Variants in ERBB2 observed in about 807,000 individuals in gnomAD.
The protein encoded by ERBB2 is erb-b2 receptor tyrosine kinase 2.
ERBB2 carries 61 observed loss-of-function variants against 149.0 expected under a neutral mutation model. The ratio of observed to expected loss-of-function variants is 0.41; its 90% confidence interval spans 0.33 to 0.51. ERBB2 has a LOEUF of 0.51. Among genes scored for constraint, ERBB2 ranks in the 20% least tolerant of loss-of-function variants. The pLI, the probability that ERBB2 is intolerant of heterozygous loss-of-function variation, is 0.25. For synonymous variants in ERBB2, 633 were observed against 678.8 expected (o/e 0.93, Z 1.05); for missense variants, 1,205 against 1,655.1 (o/e 0.73, Z 4.72).
Position 39,723,733 on chromosome 17 carries a change from C to T in ERBB2, c.2208+73C>T, listed in dbSNP as rs1422339349. 4 of 1,556,222 alleles carry T rather than the reference C, an allele frequency of 2.6e-6. No individual in the cohort carries two copies. Among genetic ancestry groups the T allele is most frequent in the Admixed American group, 3.8e-5 (2 of 52,026 alleles). ...GCCTGGAGGGGTGTGGTCGGCAGTT[C>T]TGATGGGAGGGGCAAGAGCTGGAGG... is the stretch of plus-strand genomic sequence containing the variant. On this transcript the variant is annotated intron_variant, in intron 18 of 26. Transcript: ENST00000269571. The surrounding 1 kb of genome is among the most constrained non-coding windows in gnomAD (Gnocchi z 6.2).
chr17:39,720,114 T>C, intron 16 of ERBB2: 1 of 457,038 alleles, frequency 2.2e-6, no homozygotes, highest in Non-Finnish European at 4.0e-6. Context: ...GTTCAATTCC[T>C]TGGAAGTCAA....
At position 39,727,735 on chromosome 17, in the gene ERBB2, A is replaced by G. The variant is rs567023682; in HGVS notation, c.3459A>G (p.Arg1153=). Reference sequence around the variant, plus strand: ...TTCGGCCCCAGCCCCCTTCGCCCCGAGAGGGCCCTCTGCCTGCTGCCCGAC... The same window carrying G: ...TTCGGCCCCAGCCCCCTTCGCCCCGGGAGGGCCCTCTGCCTGCTGCCCGAC... ...PDVRPQPPSP[R]EGPLPAARPA... The change falls in exon 27 of 27, where the codon CGA becomes CGG. Residue 1153 remains arginine (R), a synonymous_variant. Transcript: ENST00000269571. This position sits in a 1 kb window ranked among gnomAD's most constrained non-coding sequence, Gnocchi z 4.3. 1 of 1,586,288 alleles carries G rather than the reference A, an allele frequency of 6.3e-7. No individual in the cohort carries two copies. Among genetic ancestry groups the G allele is most frequent in the Non-Finnish European group, 8.6e-7 (1 of 1,164,410 alleles).
upstream of ERBB2, among the ~76,000 whole-genome samples, chr17:39,698,958 TAAA>T (rs71149792): frequency 2.9e-5 from 4 of 137,848 alleles, no homozygotes; most frequent in Non-Finnish European, 4.7e-5. Context: ...TTGTTGAAAT[TAAA>T]AAAAAAAAAA....
chr17:39,694,520 G>A (rs1298512911), upstream of ERBB2, among the ~76,000 whole-genome samples: 1 of 151,288 alleles, frequency 6.6e-6, no homozygotes, highest in Non-Finnish European at 1.5e-5. Flanking sequence ...AAGCATAAAT[G>A]TATCAAAAAG....
intron 9 of ERBB2, among the ~76,000 whole-genome samples, 186 bp downstream of exon 9, chr17:39,712,634 C>G (rs2058877103): frequency 6.6e-6 from 1 of 152,146 alleles, no homozygotes; most frequent in Non-Finnish European, 1.5e-5. Flanking sequence ...TTGTAAATGA[C>G]ATGCTATCCG....
At chr17:39,702,544 T>A (rs974573529) in intron 1 of ERBB2, among the ~76,000 whole-genome samples, 1 of 152,216 alleles carries the variant, frequency 6.6e-6, no homozygotes, top group Non-Finnish European at 1.5e-5. Context: ...CTCTTTACTA[T>A]ACTTGGGGAA....
At chr17:39,690,166 A>G (rs1277567097), upstream of ERBB2, among the ~76,000 whole-genome samples, 1 of 152,148 alleles carries the variant, frequency 6.6e-6, no homozygotes, top group Non-Finnish European at 1.5e-5. Flanking sequence ...ACTCACTGCA[A>G]CCTCAACCTC....
chr17:39,717,633 T>G (rs111900961), intron 15 of ERBB2, 153 bp downstream of exon 15: 8 of 623,912 alleles, frequency 1.3e-5, no homozygotes, highest in Non-Finnish European at 1.9e-5. Context: ...AATTAAAACA[T>G]GAAATATAAA....
chr17:39,723,199 TG>T lies in ERBB2; in HGVS notation c.1947-117del. 1.9e-6 allele frequency: 2 copies of T among 1,038,082 alleles called. No homozygotes were observed. The highest frequency in any genetic ancestry group is 2.9e-6 in the Non-Finnish European group (2 of 698,218). The allele number at this position is 1,038,082 out of a possible 1,614,324, so 64.3% of individuals were successfully genotyped here. On this transcript the variant is annotated intron_variant, in intron 16 of 26. Coordinates refer to ENST00000269571, the MANE Select transcript of ERBB2 (RefSeq NM_004448.4). The surrounding 1 kb of genome is among the most constrained non-coding windows in gnomAD (Gnocchi z 6.2). Reference sequence around the variant, plus strand: ...TAGAGTAGGAGAGGGTCCAAGCCTGTGGGTCACCCTTCCGACTTCCCTTTCC... The same window carrying T: ...TAGAGTAGGAGAGGGTCCAAGCCTGTGGTCACCCTTCCGACTTCCCTTTCC...
At chr17:39,698,727 T>TG (rs1487656823), upstream of ERBB2, among the ~76,000 whole-genome samples, 2 of 151,644 alleles carry the variant, frequency 1.3e-5, no homozygotes, top group Admixed American at 6.6e-5. Context: ...GTGTGGGAGA[T>TG]GGGGGGGAGG....
chr17:39,704,359 A>C (rs1009263239), intron 1 of ERBB2, among the ~76,000 whole-genome samples: 2 of 152,148 alleles, frequency 1.3e-5, no homozygotes, highest in African/African-American at 4.8e-5. Context: ...GCGGATCACA[A>C]GGTCAGCAGT....
Position 39,715,590 on chromosome 17 carries a change from CTGTGGGAAGCTT to C in ERBB2, c.1313+57_1313+68del, listed in dbSNP as rs2059074233. On this transcript the variant is annotated intron_variant, in intron 11 of 26. Transcript: ENST00000269571. ...GGGGAGGAGTCCCAGGGAGGAGTCC[CTGTGGGAAGCTT>C]TGGGCCTGAGGGAGTACTCCTGTAG... The C allele has an allele frequency of 3.2e-6, 5 of 1,582,386 alleles. No homozygotes were observed. The Admixed American group carries it at 8.3e-5, about 26-fold the overall frequency.
At position 39,725,959 on chromosome 17, in the gene ERBB2, G is replaced by A. The variant is rs541020725; in HGVS notation, c.2872+106G>A. 8.1e-6 allele frequency: 10 copies of A among 1,228,528 alleles called. No homozygotes were observed. Among genetic ancestry groups the A allele is most frequent in the African/African-American group, 1.5e-5 (1 of 65,572 alleles). The allele number at this position is 1,228,528 out of a possible 1,614,324, so 76.1% of individuals were successfully genotyped here. On this transcript the variant is annotated intron_variant, in intron 23 of 26. Transcript: ENST00000269571. The surrounding 1 kb of genome is among the most constrained non-coding windows in gnomAD (Gnocchi z 4.6). ...GACCAGGATGTATGTAGACCCAGGAGCCCTAGTATGTTAGGAGCCTCAAAA... is the reference window on the plus strand; with the variant it reads ...GACCAGGATGTATGTAGACCCAGGAACCCTAGTATGTTAGGAGCCTCAAAA...
At chr17:39,699,988 A>G, upstream of ERBB2, 1 of 1,265,774 alleles carries the variant, frequency 7.9e-7, no homozygotes, top group Non-Finnish European at 9.9e-7. Context: ...GCTTGCTCCC[A>G]ATCACAGGAG....
chr17:39,690,698 G>C (rs2057676259), upstream of ERBB2, among the ~76,000 whole-genome samples: 1 of 152,148 alleles, frequency 6.6e-6, no homozygotes, highest in Non-Finnish European at 1.5e-5. Context: ...TCTCCCCTGA[G>C]CCTCCTTAGC....
At position 39,725,726 on chromosome 17, in the gene ERBB2, G is replaced by A. The variant is rs1228364579; in HGVS notation, c.2745G>A (p.Leu915=). The A allele has an allele frequency of 6.2e-7, 1 of 1,613,092 alleles. No individual in the cohort carries two copies. The highest frequency in any genetic ancestry group is 8.5e-7 in the Non-Finnish European group (1 of 1,179,536). Residue 915 remains leucine (L), a synonymous_variant, in exon 23 of 27, where the codon CTG becomes CTA. Coordinates refer to ENST00000269571, the MANE Select transcript of ERBB2 (RefSeq NM_004448.4). This position sits in a 1 kb window ranked among gnomAD's most constrained non-coding sequence, Gnocchi z 4.6. ...VWSYGVTVWE[L]MTFGAKPYDG... is the part of the protein sequence containing the mutation. ...CCTTAGGTGTGACTGTGTGGGAGCT[G>A]ATGACTTTTGGGGCCAAACCTTACG...
At position 39,725,426 on chromosome 17, in the gene ERBB2, G is replaced by A. The variant is rs1290898928; in HGVS notation, c.2725+24G>A. 18 of 1,601,954 alleles carry A rather than the reference G, an allele frequency of 1.1e-5. No homozygotes were observed. The highest frequency in any genetic ancestry group is 1.5e-5 in the Non-Finnish European group (18 of 1,169,148). On this transcript the variant is annotated intron_variant, in intron 22 of 26. Transcript: ENST00000269571. This position sits in a 1 kb window ranked among gnomAD's most constrained non-coding sequence, Gnocchi z 4.6. ...TGGTGTGTGATGGGGGGTGTTGGGA[G>A]GGGTGGGTGAGGAGCCATGGCTGGA...
chr17:39,724,056 A>G lies in ERBB2; in HGVS notation c.2307+46A>G, dbSNP rs4252645. 1,663 of 1,395,124 alleles carry G rather than the reference A, an allele frequency of 1.2e-3. 17 individuals are homozygous for G. The African/African-American group carries it at 0.022, about 18-fold the overall frequency. 86.4% of individuals were successfully genotyped at this position (1,395,124 alleles called of 1,614,324 possible). ...CTGCTAGGAGGACAGGAAGGACCCC[A>G]TGGCTGCAGGTCTGGGCTCTGGTCT... On this transcript the variant is annotated intron_variant, in intron 19 of 26. Coordinates refer to ENST00000269571, the MANE Select transcript of ERBB2 (RefSeq NM_004448.4).
rs1340427071 is a variant in ERBB2 at position 39,723,501 on chromosome 17, C to T, written c.2086-37C>T. 2.5e-6 allele frequency: 4 copies of T among 1,613,350 alleles called. No individual in the cohort carries two copies. Among genetic ancestry groups the T allele is most frequent in the African/African-American group, 2.7e-5 (2 of 74,936 alleles). On this transcript the variant is annotated intron_variant, in intron 17 of 26. Coordinates refer to ENST00000269571, the MANE Select transcript of ERBB2 (RefSeq NM_004448.4). This position sits in a 1 kb window ranked among gnomAD's most constrained non-coding sequence, Gnocchi z 6.2. ...CTCCCAGCCCGCGTGGGGTCTGCAC[C>T]GGCCCCCGGCACTGACCCACCACCC...
Sources: gnomAD v4.1 joint callset for allele counts (sites outside exome capture counted in the v4.1 genomes callset) on GRCh38, gnomAD v4.1.1 for gene constraint, Gnocchi (gnomAD v3.1) non-coding constraint, MANE v1.5 for transcripts, NCBI Gene and HGNC (gene_info 2026-07-23, HGNC 2026-07-21) for gene names.